The following NRXN3 variants were observed in gnomAD, a reference collection of about 807,000 sequenced individuals.
NRXN3 encodes the protein neurexin III.
A neutral mutation model predicts 137.6 loss-of-function variants in NRXN3; 32 were observed. The ratio of observed to expected loss-of-function variants is 0.23; its 90% CI spans 0.18 to 0.31. The LOEUF is 0.31. Ranked by LOEUF, NRXN3 falls within the 10% of genes least tolerant of loss-of-function variation. NRXN3 has a pLI of 1.00. For synonymous variants in NRXN3, 798 were observed against 784.5 expected, an observed-to-expected ratio of 1.02 and a Z score of -0.29; for missense variants, 1,574 against 2,062.5, an observed-to-expected ratio of 0.76 and a Z score of 4.59.
chr14:79,362,476 G>C (rs981635588), intron 15 of NRXN3, among the ~76,000 whole-genome samples: 6 of 152,038 alleles, frequency 3.9e-5, no homozygotes, highest in African/African-American at 1.5e-4. Flanking sequence ...TCAATTATTG[G>C]AGGGAAATAA....
At chr14:79,315,121 T>C (rs2088264338) in intron 15 of NRXN3, among the ~76,000 whole-genome samples, 1 of 152,194 alleles carries the variant, frequency 6.6e-6, no homozygotes, top group African/African-American at 2.4e-5. Context: ...ACTTCTTTTA[T>C]CCTGTAATGT....
chr14:78,236,650 A>C (rs1359551462), intron 1 of NRXN3, among the ~76,000 whole-genome samples: 1 of 152,156 alleles, frequency 6.6e-6, no homozygotes, highest in Admixed American at 6.5e-5. Context: ...CTGCCAGCAT[A>C]ATTTTCCAAA....
At chr14:79,768,356 C>T (rs1357104464) in intron 19 of NRXN3, among the ~76,000 whole-genome samples, 6 of 152,236 alleles carry the variant, frequency 3.9e-5, no homozygotes, top group Non-Finnish European at 8.8e-5. Flanking sequence ...GTAACCTCTG[C>T]AGACTTAAGT....
chr14:78,571,484 T>A (rs1396279770), intron 4 of NRXN3, among the ~76,000 whole-genome samples: 1 of 152,120 alleles, frequency 6.6e-6, no homozygotes, highest in Non-Finnish European at 1.5e-5. Context: ...TGAAGCAGGG[T>A]TGGGAAACAA....
At chr14:78,338,458 A>T (rs1050010770) in intron 4 of NRXN3, among the ~76,000 whole-genome samples, 1 of 151,854 alleles carries the variant, frequency 6.6e-6, no homozygotes, top group African/African-American at 2.4e-5. Context: ...GGGAATGGGG[A>T]CTCTTCCTTA....
At chr14:78,485,921 C>T (rs1168884198) in intron 4 of NRXN3, among the ~76,000 whole-genome samples, 1 of 152,154 alleles carries the variant, frequency 6.6e-6, no homozygotes, top group Non-Finnish European at 1.5e-5. Flanking sequence ...AGACAAGTGT[C>T]GGAATACTAG....
intron 14 of NRXN3, among the ~76,000 whole-genome samples, chr14:78,974,320 C>T (rs1223581171): frequency 6.6e-6 from 1 of 152,174 alleles, no homozygotes; most frequent in East Asian, 1.9e-4. Flanking sequence ...AACTAGACAA[C>T]TACATCTCTT....
At chr14:78,196,001 C>T (rs1566947116) in intron 1 of NRXN3, among the ~76,000 whole-genome samples, 1 of 152,212 alleles carries the variant, frequency 6.6e-6, no homozygotes, top group African/African-American at 2.4e-5. Flanking sequence ...GATTCAAACT[C>T]GGATCTGTAT....
At chr14:78,406,519 G>GA (rs1401873183) in intron 4 of NRXN3, among the ~76,000 whole-genome samples, 3 of 152,166 alleles carry the variant, frequency 2.0e-5, no homozygotes, top group Admixed American at 6.5e-5. Flanking sequence ...TTTGCAAAAG[G>GA]AAAATCTGGG....
At chr14:79,249,822 A>C (rs1407559013) in intron 15 of NRXN3, among the ~76,000 whole-genome samples, 2 of 152,348 alleles carry the variant, frequency 1.3e-5, no homozygotes, top group East Asian at 3.9e-4. Context: ...GAAAGTGAGA[A>C]TATCTAACCC....
At chr14:79,849,236 G>A (rs28437542) in intron 20 of NRXN3, among the ~76,000 whole-genome samples, 4 of 151,960 alleles carry the variant, frequency 2.6e-5, no homozygotes, top group Admixed American at 1.3e-4. Flanking sequence ...TCTCCATACC[G>A]AAGCCAAAGT....
chr14:79,376,267 C>T (rs61993075), intron 15 of NRXN3, among the ~76,000 whole-genome samples: 943 of 47,136 alleles, frequency 0.02, 47 homozygotes, highest in South Asian at 0.048. Flanking sequence ...TATATATATA[C>T]ACATACATAT....
At chr14:79,695,778 G>T (rs1009240444) in intron 18 of NRXN3, among the ~76,000 whole-genome samples, 3 of 151,956 alleles carry the variant, frequency 2.0e-5, no homozygotes, top group Admixed American at 2.0e-4. Context: ...AGACAGTGAT[G>T]CATATGCACA....
At chr14:79,183,522 G>A (rs1270205894) in intron 15 of NRXN3, among the ~76,000 whole-genome samples, 2 of 152,188 alleles carry the variant, frequency 1.3e-5, no homozygotes, top group Non-Finnish European at 2.9e-5. Context: ...TGAGTAGTGG[G>A]AAATCTTGAT....
At chr14:79,764,504 C>G (rs2099049672) in intron 19 of NRXN3, among the ~76,000 whole-genome samples, 1 of 152,088 alleles carries the variant, frequency 6.6e-6, no homozygotes, top group Non-Finnish European at 1.5e-5. Flanking sequence ...TTGTTTGATG[C>G]CTTTACTCAG....
intron 15 of NRXN3, among the ~76,000 whole-genome samples, chr14:79,175,054 C>T (rs1321990454): frequency 2.0e-5 from 3 of 149,422 alleles, no homozygotes; most frequent in South Asian, 4.2e-4. Context: ...CATCTCGGCT[C>T]ACTGCAAGCT....
intron 15 of NRXN3, among the ~76,000 whole-genome samples, chr14:79,353,411 C>G (rs999102004): frequency 3.1e-4 from 47 of 151,974 alleles, no homozygotes; most frequent in Non-Finnish European, 5.6e-4. Context: ...CCTTTTCTCC[C>G]CCTTCATTTC....
Position 78,700,582 on chromosome 14 carries a change from C to T in NRXN3, c.1222-8635C>T, listed in dbSNP as rs150079102. Among the ~76,000 whole-genome samples the T allele has an allele frequency of 4.4e-3, 668 of 152,188 alleles. 2 individuals carry two copies. Among genetic ancestry groups the T allele is most frequent in the Non-Finnish European group, 8.4e-3 (568 of 68,006 alleles). On this transcript the variant is annotated intron_variant, in intron 6 of 20. Transcript: ENST00000335750. ...AGTTCTATCTCGGAGAACTACACCCCCTACTTGCCAGTTCATGTCTTATGT... is the reference window on the plus strand; with the variant it reads ...AGTTCTATCTCGGAGAACTACACCCTCTACTTGCCAGTTCATGTCTTATGT...
chr14:78,772,550 G>A (rs2098731794), intron 8 of NRXN3, among the ~76,000 whole-genome samples: 1 of 152,130 alleles, frequency 6.6e-6, no homozygotes, highest in Non-Finnish European at 1.5e-5. Context: ...ATGATAAAAA[G>A]GAATCAATCC....
Sources: gnomAD v4.1 joint callset for allele counts (sites outside exome capture counted in the v4.1 genomes callset) on GRCh38, gnomAD v4.1.1 for gene constraint, MANE v1.5 for transcripts, NCBI Gene and HGNC (gene_info 2026-07-23, HGNC 2026-07-21) for gene names.